The following BYSL variants were observed in gnomAD, a reference collection of about 807,000 sequenced individuals.
The protein encoded by BYSL is bystin like.
In BYSL, 21 loss-of-function variants were observed where a neutral mutation model predicts 45.4. The observed-to-expected ratio is 0.46, with a 90% CI of 0.33 to 0.67. The LOEUF (loss-of-function observed/expected upper bound fraction) is 0.67, where lower values mean the gene tolerates loss of function less well. Among genes scored for constraint, BYSL ranks in the 30% least tolerant of loss-of-function variants. The pLI is 0.02. For synonymous variants in BYSL, 215 were observed against 231.3 expected (o/e 0.93, Z 0.64); for missense variants, 522 against 578.5 (o/e 0.90, Z 1.00).
At chr6:41,909,849 CCA>C in the BYSL span, among the ~76,000 whole-genome samples, 1 of 152,140 alleles carries the variant, frequency 6.6e-6, no homozygotes, top group Non-Finnish European at 1.5e-5. Flanking sequence ...AGTCTAACTC[CCA>C]CAGACTTTAC....
rs1056438365 is a variant in BYSL, at chr6:41,927,262, C to G, written c.269-112C>G. The G allele has an allele frequency of 1.3e-5, 17 of 1,313,642 alleles. No homozygotes were observed. The Admixed American group carries it at 3.6e-4, about 28-fold the overall frequency. The allele number at this position is 1,313,642 out of a possible 1,614,324, so 81.4% of individuals were successfully genotyped here. The stretch of plus-strand genomic sequence containing the variant: ...GCATTTGTTTCACTGCACATACCTG[C>G]GTCTATCACAACCACATGTGAGGCC... On this transcript the variant is annotated intron_variant, in intron 1 of 6. Transcript: ENST00000230340.
At chr6:41,926,298 A>G (rs1775562449) in intron 1 of BYSL, among the ~76,000 whole-genome samples, 1 of 152,200 alleles carries the variant, frequency 6.6e-6, no homozygotes, top group Admixed American at 6.5e-5. Context: ...GTCTAGACCC[A>G]GACTACCTGT....
Position 41,931,438 on chromosome 6 carries a change from C to T in BYSL, c.747C>T (p.Phe249=), listed in dbSNP as rs754483559. ...TGAAGGAACGCATGGCCCAGCGCTT[C>T]TACAACCTTGTCCTGCTCCCTCGAG... ...SNLKERMAQR[F]YNLVLLPRVR... Residue 249 remains phenylalanine (F), a synonymous_variant, in exon 5 of 7, where the codon TTC becomes TTT. Coordinates refer to ENST00000230340, the MANE Select transcript of BYSL (RefSeq NM_004053.4). 11 of 1,613,280 alleles carry T rather than the reference C, an allele frequency of 6.8e-6. No homozygotes were observed. The highest frequency in any genetic ancestry group is 9.3e-6 in the Non-Finnish European group (11 of 1,179,572).
Position 41,932,554 on chromosome 6 carries a change from C to T in BYSL, c.1162C>T (p.Arg388Cys), listed in dbSNP as rs750532749. 6.8e-6 allele frequency: 11 copies of T among 1,614,100 alleles called. No homozygotes were observed. Among genetic ancestry groups the T allele is most frequent in the South Asian group, 3.3e-5 (3 of 91,094 alleles). ...CCAGTGCCTCCTGACTTTGGTCCAGCGCTACAAGGCCGACTTGGCCACAGA... is the reference window on the plus strand; with the variant it reads ...CCAGTGCCTCCTGACTTTGGTCCAGTGCTACAAGGCCGACTTGGCCACAGA... ...WHQCLLTLVQ[R>C]YKADLATDQK... is the part of the protein sequence containing the mutation. Residue 388 changes from arginine (R) to cysteine (C), a missense_variant, in exon 7 of 7, where the codon CGC becomes TGC. By Grantham distance (180) the Arg-to-Cys change is radical. Coordinates refer to ENST00000230340, the MANE Select transcript of BYSL (RefSeq NM_004053.4). This position sits in a 1 kb window ranked among gnomAD's most constrained non-coding sequence, Gnocchi z 4.7.
intron 1 of BYSL, among the ~76,000 whole-genome samples, chr6:41,924,256 G>A (rs1333475736): frequency 2.0e-5 from 3 of 150,654 alleles, no homozygotes; most frequent in African/African-American, 4.9e-5. Context: ...TTTTAGTAGA[G>A]TTGGGGATTT....
chr6:41,909,898 T>G, the BYSL span, among the ~76,000 whole-genome samples: 3 of 152,152 alleles, frequency 2.0e-5, no homozygotes, highest in Non-Finnish European at 4.4e-5. Flanking sequence ...ATTACATAAG[T>G]AAAATGAAAG....
At chr6:41,909,666 C>T in the BYSL span, 2 of 1,231,234 alleles carry the variant, frequency 1.6e-6, no homozygotes, top group Non-Finnish European at 2.3e-6. Flanking sequence ...GGGGAATCCT[C>T]TCACTGACAG....
the BYSL span, among the ~76,000 whole-genome samples, chr6:41,913,987 T>C: frequency 1.8e-3 from 267 of 152,334 alleles, 1 homozygote; most frequent in Non-Finnish European, 3.1e-3. Context: ...GTACTATGAT[T>C]ATCTTCATTT....
At chr6:41,915,202 T>C in the BYSL span, among the ~76,000 whole-genome samples, 2 of 150,790 alleles carry the variant, frequency 1.3e-5, no homozygotes, top group Non-Finnish European at 3.0e-5. Context: ...GGGAGGCCTA[T>C]GTTGGCAGAT....
rs1561946090 is a variant in BYSL, at chr6:41,932,708, G to A, written c.*2G>A. Reference sequence around the variant, plus strand: ...GATGTTCCCATCACCGTGGAGTGAGGAAAACAGTCAGCTGTCCTGGCCAAA... The same window carrying A: ...GATGTTCCCATCACCGTGGAGTGAGAAAAACAGTCAGCTGTCCTGGCCAAA... On this transcript the variant is annotated 3_prime_UTR_variant, in exon 7 of 7. Coordinates refer to ENST00000230340, the MANE Select transcript of BYSL (RefSeq NM_004053.4). This position sits in a 1 kb window ranked among gnomAD's most constrained non-coding sequence, Gnocchi z 4.7. 7 of 1,602,462 alleles carry A rather than the reference G, an allele frequency of 4.4e-6. No homozygotes were observed. Among genetic ancestry groups the A allele is most frequent in the Admixed American group, 3.4e-5 (2 of 59,558 alleles).
rs73733054 is a variant in BYSL at position 41,928,245 on chromosome 6, C to T, written c.431+709C>T. Among the ~76,000 whole-genome samples the T allele has an allele frequency of 5.2e-3, 793 of 152,294 alleles. 9 individuals carry two copies. Among genetic ancestry groups the T allele is most frequent in the African/African-American group, 0.018 (742 of 41,552 alleles). On this transcript the variant is annotated intron_variant, in intron 2 of 6. Transcript: ENST00000230340. Reference sequence around the variant, plus strand: ...GAGTGGAGTCTAGGATAAGGGTCCTCAACCAGTTCATTCTGACCCTGTGAT... The same window carrying T: ...GAGTGGAGTCTAGGATAAGGGTCCTTAACCAGTTCATTCTGACCCTGTGAT...
chr6:41,918,269 C>T (rs1014157753), upstream of BYSL, among the ~76,000 whole-genome samples: 29 of 151,556 alleles, frequency 1.9e-4, no homozygotes, highest in Admixed American at 1.6e-3. Context: ...TTTGGGAGGC[C>T]GAGGTGGGCG....
intron 1 of BYSL, among the ~76,000 whole-genome samples, chr6:41,927,087 C>G (rs1775573854): frequency 1.3e-5 from 2 of 148,726 alleles, no homozygotes; most frequent in African/African-American, 5.0e-5. Context: ...GAGCAAGACT[C>G]CATTTCAAAA....
At chr6:41,912,352 C>CT in the BYSL span, among the ~76,000 whole-genome samples, 1,460 of 87,630 alleles carry the variant, frequency 0.017, 30 homozygotes, top group Non-Finnish European at 0.023. Context: ...GACCATAGTA[C>CT]TTTTTTTTTT....
chr6:41,917,708 T>C (rs944742917), upstream of BYSL: 12 of 466,158 alleles, frequency 2.6e-5, no homozygotes, highest in Non-Finnish European at 4.9e-5. Flanking sequence ...TGCTGAGTCA[T>C]ATAATGAAAA....
rs374414380 is a variant in BYSL at position 41,927,457 on chromosome 6, G to A, written c.352G>A (p.Gly118Ser). The change falls in exon 2 of 7, where the codon GGC becomes AGC. Residue 118 changes from glycine to serine, a missense_variant. Coordinates refer to ENST00000230340, the MANE Select transcript of BYSL (RefSeq NM_004053.4). ...GAAGGCTGCCACAATGACAGCAGCG[G>A]GCCATCATGCAGAGGTGGTTGTGGA... Reference protein sequence around the residue: ...LEKAATMTAAGHHAEVVVDPE... With the variant: ...LEKAATMTAASHHAEVVVDPE... The A allele has an allele frequency of 1.9e-6, 3 of 1,614,038 alleles. No homozygotes were observed. The African/African-American group carries it at 4.0e-5, about 22-fold the overall frequency.
At chr6:41,921,908 G>C in intron 1 of BYSL, 78 bp downstream of exon 1, 4 of 1,496,514 alleles carry the variant, frequency 2.7e-6, no homozygotes, top group Non-Finnish European at 3.6e-6. Context: ...GTGTCTGGCA[G>C]GGGAATTGCT....
chr6:41,916,701 G>T, upstream of BYSL: 3 of 1,528,638 alleles, frequency 2.0e-6, no homozygotes, highest in Non-Finnish European at 2.7e-6. Flanking sequence ...ACCTTTAGCA[G>T]AAAAGCAGAA....
At chr6:41,931,371 A>G (rs988961537) in intron 4 of BYSL, 25 bp from the exon 5 acceptor site, 9 of 1,613,294 alleles carry the variant, frequency 5.6e-6, no homozygotes, top group Non-Finnish European at 7.6e-6. Flanking sequence ...TGAGTTGGAA[A>G]CTTCCCCCGC....
Sources: gnomAD v4.1 joint callset for allele counts (sites outside exome capture counted in the v4.1 genomes callset) on GRCh38, gnomAD v4.1.1 for gene constraint, Gnocchi (gnomAD v3.1) non-coding constraint, MANE v1.5 for transcripts, NCBI Gene and HGNC (gene_info 2026-07-23, HGNC 2026-07-21) for gene names.